The following SGCZ variants were observed in gnomAD, a reference collection of about 807,000 sequenced individuals.
The protein encoded by SGCZ is zeta-sarcoglycan.
SGCZ carries 40 observed loss-of-function variants against 41.3 expected under a neutral mutation model. The observed-to-expected ratio is 0.97, with a 90% CI of 0.75 to 1.26. The LOEUF is 1.26. SGCZ is among the 50% of genes most tolerant of loss of function. The pLI is 0.00. For synonymous variants in SGCZ, 206 were observed against 137.5 expected (o/e 1.50, Z -3.49); for missense variants, 552 against 369.8 (o/e 1.49, Z -4.04).
At chr8:14,881,129 A>C (rs550490855) in intron 1 of SGCZ, among the ~76,000 whole-genome samples, 1 of 152,148 alleles carries the variant, frequency 6.6e-6, no homozygotes, top group Non-Finnish European at 1.5e-5. Context: ...AACTTATTTT[A>C]CATAAGAAAA....
At chr8:14,927,160 G>C (rs996123316) in intron 1 of SGCZ, among the ~76,000 whole-genome samples, 6 of 131,418 alleles carry the variant, frequency 4.6e-5, no homozygotes, top group Non-Finnish European at 3.1e-5. Flanking sequence ...CCAGGCTGGA[G>C]TGCAATGGCG....
At chr8:14,424,278 G>C (rs892225008) in intron 2 of SGCZ, among the ~76,000 whole-genome samples, 1 of 152,112 alleles carries the variant, frequency 6.6e-6, no homozygotes, top group African/African-American at 2.4e-5. Flanking sequence ...GCTAAAGCTA[G>C]TTTTTCTCAT....
chr8:14,903,679 T>C (rs908839934), intron 1 of SGCZ, among the ~76,000 whole-genome samples: 8 of 152,098 alleles, frequency 5.3e-5, no homozygotes, highest in African/African-American at 1.7e-4. Flanking sequence ...TCTTATGTAT[T>C]ACTGGAGACT....
chr8:15,155,817 G>C (rs1202896230), intron 1 of SGCZ, among the ~76,000 whole-genome samples: 1 of 152,108 alleles, frequency 6.6e-6, no homozygotes, highest in African/African-American at 2.4e-5. Context: ...TAGCACTTTG[G>C]GAGTCTGAGG....
At chr8:14,241,283 T>G (rs1373092694) in intron 3 of SGCZ, among the ~76,000 whole-genome samples, 3 of 151,796 alleles carry the variant, frequency 2.0e-5, no homozygotes, top group Non-Finnish European at 2.9e-5. Context: ...TTATTCTTGC[T>G]GAGAAGATAA....
At chr8:14,193,369 T>G (rs975031840) in intron 4 of SGCZ, among the ~76,000 whole-genome samples, 2 of 151,804 alleles carry the variant, frequency 1.3e-5, no homozygotes, top group Non-Finnish European at 3.0e-5. Context: ...TTGTTTTTCA[T>G]GTAACAGTTG....
intron 4 of SGCZ, among the ~76,000 whole-genome samples, chr8:14,188,987 C>T (rs1805003055): frequency 6.7e-6 from 1 of 150,176 alleles, no homozygotes; most frequent in African/African-American, 2.5e-5. Context: ...TCCTGAGTAG[C>T]TGCGATTACA....
intron 3 of SGCZ, among the ~76,000 whole-genome samples, chr8:14,313,097 G>C (rs928391104): frequency 6.6e-6 from 1 of 152,020 alleles, no homozygotes; most frequent in Non-Finnish European, 1.5e-5. Flanking sequence ...TAACTACTTC[G>C]AGCCAAGTTC....
At chr8:14,604,033 C>A (rs537903909) in intron 1 of SGCZ, among the ~76,000 whole-genome samples, 2 of 152,236 alleles carry the variant, frequency 1.3e-5, no homozygotes, top group African/African-American at 4.8e-5. Flanking sequence ...TTCATCCCAA[C>A]TAAAGCTCAA....
intron 1 of SGCZ, among the ~76,000 whole-genome samples, chr8:14,903,970 TC>T (rs1799048283): frequency 6.6e-6 from 1 of 152,038 alleles, no homozygotes; most frequent in Admixed American, 6.6e-5. Context: ...TAGTAATATT[TC>T]GTAACAGGAA....
intron 1 of SGCZ, among the ~76,000 whole-genome samples, chr8:14,918,137 A>G (rs1389783260): frequency 6.6e-6 from 1 of 152,190 alleles, no homozygotes; most frequent in African/African-American, 2.4e-5. Context: ...AAGATGGAAA[A>G]TGAGGTGAAT....
At chr8:14,322,723 C>T (rs1307273315) in intron 3 of SGCZ, among the ~76,000 whole-genome samples, 1 of 152,094 alleles carries the variant, frequency 6.6e-6, no homozygotes, top group Non-Finnish European at 1.5e-5. Flanking sequence ...TTGGCCTATG[C>T]TTAGTTTCAC....
At chr8:14,448,357 G>C (rs963763126) in intron 2 of SGCZ, among the ~76,000 whole-genome samples, 3 of 152,140 alleles carry the variant, frequency 2.0e-5, no homozygotes, top group African/African-American at 7.2e-5. Flanking sequence ...TTATTTACAG[G>C]TGCCAATTTC....
chr8:14,871,591 G>A (rs1804152699), intron 1 of SGCZ, among the ~76,000 whole-genome samples: 1 of 151,952 alleles, frequency 6.6e-6, no homozygotes, highest in Non-Finnish European at 1.5e-5. Context: ...GGTTCATGAT[G>A]TCAAGAAATC....
chr8:14,729,771 T>C (rs963244484), intron 1 of SGCZ, among the ~76,000 whole-genome samples: 3 of 152,208 alleles, frequency 2.0e-5, no homozygotes, highest in African/African-American at 7.2e-5. Flanking sequence ...CTACAAAACC[T>C]ACCATTCTGG....
At chr8:14,091,665 T>C (rs2116952278) in intron 7 of SGCZ, among the ~76,000 whole-genome samples, 1 of 152,278 alleles carries the variant, frequency 6.6e-6, no homozygotes, top group East Asian at 1.9e-4. Context: ...CACTTTTTGA[T>C]GGAATTGTTT....
At chr8:15,236,949 G>T (rs1357409387) in intron 1 of SGCZ, among the ~76,000 whole-genome samples, 1 of 152,208 alleles carries the variant, frequency 6.6e-6, no homozygotes, top group South Asian at 2.1e-4. Context: ...CCGCGCCTGG[G>T]GCTAGGGCAG....
intron 2 of SGCZ, among the ~76,000 whole-genome samples, chr8:14,391,149 G>C (rs1205540278): frequency 6.6e-6 from 1 of 152,064 alleles, no homozygotes; most frequent in Non-Finnish European, 1.5e-5. Flanking sequence ...GGGGTGATCT[G>C]AAAATGGATT....
intron 1 of SGCZ, among the ~76,000 whole-genome samples, chr8:14,982,025 C>G (rs541195393): frequency 1.3e-5 from 2 of 151,912 alleles, no homozygotes; most frequent in African/African-American, 2.4e-5. Context: ...TGGCTCATGC[C>G]TGTAATACCA....
Sources: gnomAD v4.1 joint callset for allele counts (sites outside exome capture counted in the v4.1 genomes callset) on GRCh38, gnomAD v4.1.1 for gene constraint, MANE v1.5 for transcripts, NCBI Gene and HGNC (gene_info 2026-07-23, HGNC 2026-07-21) for gene names.